Variants in IQANK1 observed in about 807,000 individuals in gnomAD.
IQANK1 encodes IQ motif and ankyrin repeat containing 1.
A neutral mutation model predicts 22.6 loss-of-function variants in IQANK1; 30 were observed. The observed-to-expected ratio is 1.33, with a 90% CI of 0.99 to 1.80. IQANK1 has a LOEUF of 1.80. IQANK1 is among the 40% of genes most tolerant of loss of function. The pLI, the probability that IQANK1 is intolerant of heterozygous loss-of-function variation, is 0.00. For missense variants in IQANK1, 275 were observed against 235.2 expected (o/e 1.17, Z -1.11); for synonymous variants, 122 against 99.6 (o/e 1.23, Z -1.34).
rs536500097 is a variant in IQANK1, at chr8:143,758,587, G to A, written c.176-12901G>A. ...TGAACATTTTCAGCTAGAATGACAC[G>A]GCATTCTCCTACATAAAACATTATA... is the stretch of plus-strand genomic sequence containing the variant. On this transcript the variant is annotated intron_variant, in intron 3 of 13. Transcript: ENST00000527139. This position sits in a 1 kb window ranked among gnomAD's most constrained non-coding sequence, Gnocchi z 4.2. 3 of 152,108 alleles carry A rather than the reference G, an allele frequency of 2.0e-5. No homozygotes were observed. The highest frequency in any genetic ancestry group is 2.9e-5 in the Non-Finnish European group (2 of 68,022). 9.4% of individuals were successfully genotyped at this position (152,108 alleles called of 1,614,324 possible).
chr8:143,748,630 CATATATAA>C (rs59236935), intron 3 of IQANK1, among the ~76,000 whole-genome samples: 6,202 of 114,632 alleles, frequency 0.054, 359 homozygotes, highest in African/African-American at 0.15. Flanking sequence ...TATAATATAT[CATATATAA>C]ATATATAAAT....
chr8:143,788,997 C>T lies in IQANK1; in HGVS notation c.872C>T (p.Ala291Val), dbSNP rs577449874. The change falls in exon 8 of 14, where the codon GCT becomes GTT. Residue 291 changes from alanine to valine, a missense_variant. By Grantham distance (64) the Ala-to-Val change is moderately conservative. Transcript: ENST00000527139. ...GAGGCCATGCTCCAGAACATGGAGG[C>T]TGAGCAGCAGCGCCGGGCCCAGGAG... The part of the protein sequence containing the change: ...LTEAMLQNME[A>V]EQQRRAQEAQ... The T allele has an allele frequency of 8.6e-4, 343 of 399,826 alleles. No homozygotes were observed. Among genetic ancestry groups the T allele is most frequent in the Non-Finnish European group, 1.3e-3 (295 of 226,804 alleles). The allele number at this position is 399,826 out of a possible 1,614,324, so 24.8% of individuals were successfully genotyped here.
At chr8:143,739,486 G>A (rs1818835424) in intron 2 of IQANK1, 1 of 207,524 alleles carries the variant, frequency 4.8e-6, no homozygotes, top group Non-Finnish European at 9.6e-6. Flanking sequence ...AGGGCCTGGG[G>A]GAGGGACGTG....
Position 143,735,788 on chromosome 8 carries a change from C to G in IQANK1, c.-4-62C>G. ...TGGTGTGCCCTGTTCCCCACTGCCA[C>G]TGCCCCTGCCCTCTGCCACTCTGAG... On this transcript the variant is annotated intron_variant, in intron 1 of 13. Transcript: ENST00000527139. This position sits in a 1 kb window ranked among gnomAD's most constrained non-coding sequence, Gnocchi z 5.2. 1.4e-6 allele frequency: 1 copy of G among 698,114 alleles called. No individual in the cohort carries two copies. Among genetic ancestry groups the G allele is most frequent in the South Asian group, 1.5e-5 (1 of 67,202 alleles). 43.2% of individuals were successfully genotyped at this position (698,114 alleles called of 1,614,324 possible).
At chr8:143,750,722 G>C (rs571973619) in intron 3 of IQANK1, among the ~76,000 whole-genome samples, 3 of 152,122 alleles carry the variant, frequency 2.0e-5, no homozygotes, top group Non-Finnish European at 4.4e-5. Context: ...GCTGAGATGG[G>C]AGGATCACTT....
At chr8:143,760,333 C>T (rs1381551813) in intron 3 of IQANK1, 4 of 152,172 alleles carry the variant, frequency 2.6e-5, no homozygotes, top group African/African-American at 9.7e-5. Context: ...CCAAGTACTG[C>T]ATCTATCAGA....
At position 143,756,332 on chromosome 8, in the gene IQANK1, C is replaced by T. The variant is rs75637239; in HGVS notation, c.176-15156C>T. Among the ~76,000 whole-genome samples the T allele has an allele frequency of 1.5e-3, 221 of 152,296 alleles. 4 individuals carry two copies. In the East Asian group the frequency reaches 0.035, roughly 24 times the overall value. On this transcript the variant is annotated intron_variant, in intron 3 of 13. Transcript: ENST00000527139. ...CTTAAGGCTGGAGCTCAGTACACCACGAGGGACTGTCTGAGAACCAGGGCT... is the reference window on the plus strand; with the variant it reads ...CTTAAGGCTGGAGCTCAGTACACCATGAGGGACTGTCTGAGAACCAGGGCT...
chr8:143,742,432 A>T (rs1239453145), intron 3 of IQANK1: 1 of 455,870 alleles, frequency 2.2e-6, no homozygotes, highest in African/African-American at 2.0e-5. Flanking sequence ...CCTCCCCAGG[A>T]GGCATCTGAG....
chr8:143,747,891 A>C (rs1819060123), intron 3 of IQANK1, among the ~76,000 whole-genome samples: 1 of 142,638 alleles, frequency 7.0e-6, no homozygotes, highest in Non-Finnish European at 1.6e-5. Context: ...TGTTAGATCT[A>C]GTTGGTTGAT....
intron 3 of IQANK1, chr8:143,759,090 A>T: frequency 3.1e-6 from 1 of 320,718 alleles, no homozygotes; most frequent in Non-Finnish European, 6.1e-6. Flanking sequence ...ACATGACTCA[A>T]TACTGATCTT....
At position 143,735,695 on chromosome 8, in the gene IQANK1, C is replaced by G. The variant is rs1265709821; in HGVS notation, c.-4-155C>G. On this transcript the variant is annotated intron_variant, in intron 1 of 13. Coordinates refer to ENST00000527139, the MANE Select transcript of IQANK1 (RefSeq NM_001381874.1). The surrounding 1 kb of genome is among the most constrained non-coding windows in gnomAD (Gnocchi z 5.2). The stretch of plus-strand genomic sequence containing the variant: ...TGGGCACACACCCGGGGCGGGCAGG[C>G]AGACAGGACACCAGCTGGGAAGCCT... 6.6e-6 allele frequency among the ~76,000 whole-genome samples: 1 copy of G among 152,094 alleles called. No individual in the cohort carries two copies. Among genetic ancestry groups the G allele is most frequent in the African/African-American group, 2.4e-5 (1 of 41,380 alleles).
intron 3 of IQANK1, among the ~76,000 whole-genome samples, chr8:143,767,802 G>A (rs978061082): frequency 1.5e-4 from 22 of 151,020 alleles, no homozygotes; most frequent in Non-Finnish European, 2.8e-4. Context: ...GGAGAATGGC[G>A]TGAACCCGGG....
chr8:143,776,479 A>G (rs1554630446), intron 7 of IQANK1, among the ~76,000 whole-genome samples: 1 of 152,220 alleles, frequency 6.6e-6, no homozygotes, highest in Non-Finnish European at 1.5e-5. Flanking sequence ...AATCAGAAAG[A>G]GATCTCCAAG....
chr8:143,788,803 C>T, intron 7 of IQANK1, 112 bp from the exon 8 acceptor site: 1 of 397,932 alleles, frequency 2.5e-6, no homozygotes. Flanking sequence ...GCACTGAGGC[C>T]CTTTCTGCAT....
chr8:143,752,585 A>G (rs1378677637), intron 3 of IQANK1, among the ~76,000 whole-genome samples: 1 of 152,174 alleles, frequency 6.6e-6, no homozygotes, highest in South Asian at 2.1e-4. Flanking sequence ...TTGGTCATCA[A>G]TGAACTGCAT....
At chr8:143,790,099 G>T in intron 12 of IQANK1, 35 bp downstream of exon 12, 1 of 1,232,138 alleles carries the variant, frequency 8.1e-7, no homozygotes, top group Non-Finnish European at 1.0e-6. Context: ...GCGATTTGGG[G>T]TTTGGACAGA....
chr8:143,748,795 A>G (rs1165595861), intron 3 of IQANK1, among the ~76,000 whole-genome samples: 7 of 115,568 alleles, frequency 6.1e-5, no homozygotes, highest in African/African-American at 2.5e-4. Flanking sequence ...ATATAAATAT[A>G]TAAATATATA....
At position 143,771,926 on chromosome 8, in the gene IQANK1, C is replaced by T. The variant is rs1466419806; in HGVS notation, c.432C>T (p.Phe144=). ...QRRRRLLDAA[F]DGDVGEIRAV... Reference sequence around the variant, plus strand: ...GCCGCCGCCTGCTGGACGCCGCCTTCGACGGGGACGTGGGCGAGATCCGGG... The same window carrying T: ...GCCGCCGCCTGCTGGACGCCGCCTTTGACGGGGACGTGGGCGAGATCCGGG... Residue 144 remains phenylalanine, a synonymous_variant, in exon 5 of 14, where the codon TTC becomes TTT. Transcript: ENST00000527139. The surrounding 1 kb of genome is among the most constrained non-coding windows in gnomAD (Gnocchi z 6.0). 1.5e-5 allele frequency: 6 copies of T among 389,834 alleles called. No individual in the cohort carries two copies. Among genetic ancestry groups the T allele is most frequent in the Non-Finnish European group, 2.7e-5 (6 of 222,922 alleles). The allele number at this position is 389,834 out of a possible 1,614,324, so 24.1% of individuals were successfully genotyped here. A position where few individuals can be genotyped will look rare whatever the true frequency, so the allele number is the denominator to read the frequency against.
rs1554628034 is a variant in IQANK1, at chr8:143,751,625, A to AGTGT, written c.175+11714_175+11717dup. 7.4e-4 allele frequency among the ~76,000 whole-genome samples: 71 copies of AGTGT among 95,974 alleles called. 1 individual carries two copies. Among genetic ancestry groups the AGTGT allele is most frequent in the African/African-American group, 2.1e-3 (56 of 26,896 alleles). 63.0% of individuals were successfully genotyped at this position (95,974 alleles called of 152,430 possible). On this transcript the variant is annotated intron_variant, in intron 3 of 13. Coordinates refer to ENST00000527139, the MANE Select transcript of IQANK1 (RefSeq NM_001381874.1). ...AGACTTCATCTCAAAAAAAAAAAAA[A>AGTGT]GTGTGTGTGTGTGTGTGTGTGTGTG... is the stretch of plus-strand genomic sequence containing the variant.
Sources: gnomAD v4.1 joint callset for allele counts (sites outside exome capture counted in the v4.1 genomes callset) on GRCh38, gnomAD v4.1.1 for gene constraint, Gnocchi (gnomAD v3.1) non-coding constraint, MANE v1.5 for transcripts, NCBI Gene and HGNC (gene_info 2026-07-23, HGNC 2026-07-21) for gene names.